CCDC62: variants seen among roughly 807,000 people sequenced by gnomAD.
The protein encoded by CCDC62 is coiled-coil domain-containing protein 62.
In CCDC62, 72 loss-of-function variants were observed where a neutral mutation model predicts 80.8. That is an observed-to-expected ratio of 0.89 (90% CI 0.74 to 1.08). The LOEUF is 1.08. Ranked by LOEUF, CCDC62 falls within the 50% of genes least tolerant of loss-of-function variation. CCDC62 has a pLI of 0.00. For synonymous variants in CCDC62, 286 were observed against 296.5 expected (o/e 0.96, Z 0.36); for missense variants, 704 against 809.4 (o/e 0.87, Z 1.58).
intron 9 of CCDC62, 98 bp from the exon 10 acceptor site, chr12:122,806,053 C>T: frequency 9.0e-7 from 1 of 1,108,120 alleles, no homozygotes; most frequent in Non-Finnish European, 1.3e-6. Flanking sequence ...ATAACAAAAA[C>T]ACTTATTTGT....
intron 11 of CCDC62, among the ~76,000 whole-genome samples, chr12:122,821,389 A>C (rs985680545): frequency 6.6e-6 from 1 of 152,200 alleles, no homozygotes; most frequent in Non-Finnish European, 1.5e-5. Context: ...CCTTTGTTGG[A>C]TGGATGGATG....
intron 8 of CCDC62, among the ~76,000 whole-genome samples, chr12:122,799,853 C>T (rs2031187353): frequency 6.6e-6 from 1 of 152,176 alleles, no homozygotes; most frequent in African/African-American, 2.4e-5. Flanking sequence ...CTTTCCGCTG[C>T]ACTTGCTTCA....
chr12:122,826,529 G>T lies in CCDC62; in HGVS notation c.*148G>T. The T allele has an allele frequency of 1.3e-6, 1 of 745,714 alleles. No individual in the cohort carries two copies. Among genetic ancestry groups the T allele is most frequent in the Non-Finnish European group, 2.5e-6 (1 of 402,180 alleles). The allele number at this position is 745,714 out of a possible 1,614,324, so 46.2% of individuals were successfully genotyped here. ...TCTTCATAAACGGCACTTAATTCCA[G>T]CTGGGAGCAGAACTAGAAAGTTAAT... On this transcript the variant is annotated 3_prime_UTR_variant, in exon 13 of 13. Transcript: ENST00000253079.
intron 11 of CCDC62, among the ~76,000 whole-genome samples, chr12:122,813,781 C>G (rs1290571522): frequency 1.3e-5 from 2 of 151,990 alleles, no homozygotes; most frequent in East Asian, 3.9e-4. Flanking sequence ...CTCAGCCTCC[C>G]AAGTAACTGG....
intron 4 of CCDC62, among the ~76,000 whole-genome samples, chr12:122,787,321 C>A (rs982598009): frequency 1.3e-5 from 2 of 151,944 alleles, no homozygotes; most frequent in Non-Finnish European, 2.9e-5. Context: ...CATGGTGGCA[C>A]ACGCCTGTAA....
At chr12:122,785,275 C>T (rs747355819) in intron 3 of CCDC62, among the ~76,000 whole-genome samples, 8 of 152,176 alleles carry the variant, frequency 5.3e-5, no homozygotes, top group Non-Finnish European at 8.8e-5. Context: ...GAAGTTCTTT[C>T]GACAAAGAAT....
intron 9 of CCDC62, among the ~76,000 whole-genome samples, chr12:122,804,390 G>A (rs2031474762): frequency 6.6e-6 from 1 of 152,176 alleles, no homozygotes; most frequent in Admixed American, 6.6e-5. Context: ...GGGAGGCTGA[G>A]GCACAAGAAT....
chr12:122,812,781 A>AGAGAGAGAAAGAAAGAG (rs1566086652), intron 10 of CCDC62, among the ~76,000 whole-genome samples: 1 of 83,074 alleles, frequency 1.2e-5, no homozygotes, highest in African/African-American at 7.3e-5. Context: ...GAGAGAGAGA[A>AGAGAGAGAAAGAAAGAG]AGAAAGAAAG....
At chr12:122,808,722 T>C (rs976735254) in intron 10 of CCDC62, among the ~76,000 whole-genome samples, 3 of 152,146 alleles carry the variant, frequency 2.0e-5, no homozygotes, top group African/African-American at 7.2e-5. Context: ...AGATGTGGTC[T>C]TGTTATGTTG....
intron 9 of CCDC62, among the ~76,000 whole-genome samples, chr12:122,802,326 C>T (rs1011020063): frequency 1.3e-5 from 2 of 151,106 alleles, no homozygotes; most frequent in Non-Finnish European, 2.9e-5. Flanking sequence ...AATTCTAGCA[C>T]TTTGGGAGGC....
At chr12:122,811,432 A>G (rs1593824064) in intron 10 of CCDC62, among the ~76,000 whole-genome samples, 1 of 150,598 alleles carries the variant, frequency 6.6e-6, no homozygotes, top group African/African-American at 2.4e-5. Context: ...GCTGGTCTCA[A>G]ACTCCCAACC....
intron 1 of CCDC62, among the ~76,000 whole-genome samples, chr12:122,776,143 G>C (rs1275868651): frequency 6.6e-6 from 1 of 152,212 alleles, no homozygotes; most frequent in East Asian, 1.9e-4. Flanking sequence ...TTTGTGCTCA[G>C]TACTTTACAG....
rs1351911557 is a variant in CCDC62 at position 122,792,101 on chromosome 12, A to G, written c.752A>G (p.His251Arg). Residue 251 changes from histidine to arginine, a missense_variant, in exon 6 of 13, where the codon CAC (histidine) becomes CGC (arginine). Transcript: ENST00000253079. ...CTCAAGCAAGAGAAAAGTTGCCTGC[A>G]CGATGAATTGCTTTTTACTGGTAAA... ...IRLKQEKSCLHDELLFTVERE... is the reference protein window; with the variant it reads ...IRLKQEKSCLRDELLFTVERE... The G allele has an allele frequency of 6.2e-7, 1 of 1,610,646 alleles. No individual in the cohort carries two copies. The highest frequency in any genetic ancestry group is 1.7e-5 in the Admixed American group (1 of 60,006).
chr12:122,783,321 G>A (rs906269078), intron 3 of CCDC62, among the ~76,000 whole-genome samples: 6 of 150,384 alleles, frequency 4.0e-5, no homozygotes, highest in African/African-American at 7.3e-5. Context: ...TCCGCCTCCC[G>A]GGTTCACACT....
intron 10 of CCDC62, among the ~76,000 whole-genome samples, chr12:122,811,865 C>T (rs374437256): frequency 8.0e-5 from 12 of 149,192 alleles, no homozygotes; most frequent in African/African-American, 2.2e-4. Context: ...TCAGTCTAGG[C>T]CCCTTTAAGA....
intron 8 of CCDC62, among the ~76,000 whole-genome samples, chr12:122,799,438 A>G (rs535318446): frequency 6.6e-6 from 1 of 152,308 alleles, no homozygotes; most frequent in Non-Finnish European, 1.5e-5. Flanking sequence ...TTGATTACTG[A>G]GTAGGAGCCC....
intron 4 of CCDC62, among the ~76,000 whole-genome samples, chr12:122,786,383 C>T (rs1268188053): frequency 2.0e-5 from 3 of 151,826 alleles, no homozygotes; most frequent in Non-Finnish European, 4.4e-5. Flanking sequence ...CTCCTGACCT[C>T]GTGATCCGCC....
intron 11 of CCDC62, among the ~76,000 whole-genome samples, chr12:122,820,955 CTG>C (rs2032382000): frequency 6.6e-6 from 1 of 152,178 alleles, no homozygotes; most frequent in Admixed American, 6.5e-5. Flanking sequence ...CCCTGAGGAA[CTG>C]TGAGGGATCC....
intron 2 of CCDC62, among the ~76,000 whole-genome samples, chr12:122,779,285 G>T (rs1225567064): frequency 6.6e-6 from 1 of 152,206 alleles, no homozygotes; most frequent in African/African-American, 2.4e-5. Context: ...TGTTGGTAAA[G>T]TATGGCACCA....
Sources: gnomAD v4.1 joint callset for allele counts (sites outside exome capture counted in the v4.1 genomes callset) on GRCh38, gnomAD v4.1.1 for gene constraint, MANE v1.5 for transcripts, NCBI Gene and HGNC (gene_info 2026-07-23, HGNC 2026-07-21) for gene names.